Variants in ENTPD1 observed in about 807,000 individuals in gnomAD.
ENTPD1 encodes ATP diphosphohydrolase.
ENTPD1 carries 33 observed loss-of-function variants against 57.0 expected under a neutral mutation model. That is an observed-to-expected ratio of 0.58 (90% CI 0.44 to 0.77). The LOEUF (loss-of-function observed/expected upper bound fraction) is 0.77. Ranked by LOEUF, ENTPD1 falls within the 30% of genes least tolerant of loss-of-function variation. The pLI is 0.00. For missense variants in ENTPD1, 501 were observed against 603.4 expected (o/e 0.83, Z 1.78); for synonymous variants, 202 against 218.8 (o/e 0.92, Z 0.68).
chr10:95,756,048 C>G (rs574357094), upstream of ENTPD1: 787 of 1,481,764 alleles, frequency 5.3e-4, 9 homozygotes, highest in South Asian at 0.011. Context: ...TCTGTCCTTT[C>G]TAGTCAATGA....
At chr10:95,781,160 A>G (rs1047808581) in intron 1 of ENTPD1, among the ~76,000 whole-genome samples, 2 of 152,212 alleles carry the variant, frequency 1.3e-5, no homozygotes, top group East Asian at 3.8e-4. Flanking sequence ...AGGCACAGAA[A>G]GACAAACTTC....
chr10:95,819,456 A>C (rs1480475624), intron 1 of ENTPD1, among the ~76,000 whole-genome samples: 1 of 152,066 alleles, frequency 6.6e-6, no homozygotes, highest in African/African-American at 2.4e-5. Context: ...GAGCCACTGC[A>C]CCCTGCCGAG....
chr10:95,753,968 C>T (rs569367147), upstream of ENTPD1: 1 of 152,076 alleles, frequency 6.6e-6, no homozygotes, highest in African/African-American at 2.4e-5. Flanking sequence ...TGCACTCCAG[C>T]CTGGATGACA....
At chr10:95,709,755 GTTGTTTGT>G (rs10670966), upstream of ENTPD1, among the ~76,000 whole-genome samples, 13 of 151,050 alleles carry the variant, frequency 8.6e-5, no homozygotes, top group Middle Eastern at 3.4e-3. Flanking sequence ...GTTTTTTGTT[GTTGTTTGT>G]TTGTTTGTTT....
intron 1 of ENTPD1, among the ~76,000 whole-genome samples, chr10:95,801,332 GT>G (rs2098248643): frequency 6.6e-6 from 1 of 151,982 alleles, no homozygotes; most frequent in African/African-American, 2.4e-5. Context: ...ATGGTTTTGG[GT>G]TTTACATTTA....
At position 95,874,407 on chromosome 10, in the gene ENTPD1, C is replaced by T. The variant is rs1335155243; in HGVS notation, c.*8024C>T. 1.3e-5 allele frequency among the ~76,000 whole-genome samples: 2 copies of T among 152,194 alleles called. No homozygotes were observed. The highest frequency in any genetic ancestry group is 4.8e-5 in the African/African-American group (2 of 41,452). ...CTCCATGTCTCACATTCAGGTCATG[C>T]TGATGCAAGAGATAGGTTCCCATGG... On this transcript the variant is annotated 3_prime_UTR_variant, in exon 10 of 10. Transcript: ENST00000371205.
chr10:95,722,913 C>T lies in ENTPD1; in HGVS notation c.37+10920C>T, dbSNP rs1486423535. Reference sequence around the variant, plus strand: ...TTTGAGTTAGTAAGCTACCATTTTGCTTTTTTGACTTAGGATAATTCTGAA... The same window carrying T: ...TTTGAGTTAGTAAGCTACCATTTTGTTTTTTTGACTTAGGATAATTCTGAA... On this transcript the variant is annotated intron_variant, in intron 1 of 9. Transcript: ENST00000453258. 2.6e-5 allele frequency among the ~76,000 whole-genome samples: 4 copies of T among 152,198 alleles called. No individual in the cohort carries two copies. The East Asian group carries it at 7.7e-4, about 29-fold the overall frequency.
chr10:95,804,921 C>A lies in ENTPD1; in HGVS notation c.17-18316C>A, dbSNP rs180862203. ...TGAATTTTGTCAAAGGCTTTTTCTG[C>A]ATCTATTGAGATAATCGTGTGGTTT... is the stretch of plus-strand genomic sequence containing the variant. On this transcript the variant is annotated intron_variant, in intron 1 of 9. Coordinates refer to ENST00000371205, the MANE Select transcript of ENTPD1 (RefSeq NM_001776.6). Among the ~76,000 whole-genome samples, 529 of 152,310 alleles carry A rather than the reference C, an allele frequency of 3.5e-3. 6 individuals carry two copies. Among genetic ancestry groups the A allele is most frequent in the African/African-American group, 0.012 (490 of 41,578 alleles).
chr10:95,799,758 T>C (rs997803255), intron 1 of ENTPD1, among the ~76,000 whole-genome samples: 6 of 152,182 alleles, frequency 3.9e-5, no homozygotes, highest in Admixed American at 1.3e-4. Flanking sequence ...CCACCAATTG[T>C]GTATAAGCGT....
At chr10:95,812,333 A>G (rs1222605179) in intron 1 of ENTPD1, among the ~76,000 whole-genome samples, 1 of 152,258 alleles carries the variant, frequency 6.6e-6, no homozygotes, top group Non-Finnish European at 1.5e-5. Flanking sequence ...ATGAAAGCAC[A>G]AAGTAAATAG....
chr10:95,765,271 G>GT (rs1433290638), intron 1 of ENTPD1, among the ~76,000 whole-genome samples: 6 of 152,090 alleles, frequency 3.9e-5, no homozygotes, highest in African/African-American at 1.4e-4. Flanking sequence ...CTAATCCAAA[G>GT]TCATGAAGAT....
chr10:95,761,396 C>T (rs992845810), intron 1 of ENTPD1, among the ~76,000 whole-genome samples: 1 of 152,138 alleles, frequency 6.6e-6, no homozygotes, highest in Non-Finnish European at 1.5e-5. Context: ...CTAACAAGTT[C>T]CCAGGCGATG....
At chr10:95,756,770 C>T (rs1290155246) in intron 1 of ENTPD1, 1 of 151,460 alleles carries the variant, frequency 6.6e-6, no homozygotes, top group Non-Finnish European at 1.5e-5. Flanking sequence ...CACAACAGGA[C>T]CCCAGAGTAT....
chr10:95,863,359 T>C (rs560032831), intron 8 of ENTPD1, among the ~76,000 whole-genome samples: 44 of 152,288 alleles, frequency 2.9e-4, no homozygotes, highest in Non-Finnish European at 5.9e-5. Flanking sequence ...CATCCTTCAA[T>C]TGACAGGCCC....
Position 95,874,122 on chromosome 10 carries a change from CA to C in ENTPD1, c.*7742del, listed in dbSNP as rs1324917749. On this transcript the variant is annotated 3_prime_UTR_variant, in exon 10 of 10. Transcript: ENST00000371205. Reference sequence around the variant, plus strand: ...CAATCATTCCTTCCCAACAGTTCCCCAAAGTCTTAACTCATTTCAGCATTAA... The same window carrying C: ...CAATCATTCCTTCCCAACAGTTCCCCAAGTCTTAACTCATTTCAGCATTAA... Among the ~76,000 whole-genome samples the C allele has an allele frequency of 2.6e-5, 4 of 152,264 alleles. No individual in the cohort carries two copies. The highest frequency in any genetic ancestry group is 7.2e-5 in the African/African-American group (3 of 41,536).
chr10:95,801,433 CAGCACCATTTATTG>C (rs1472409807), intron 1 of ENTPD1, among the ~76,000 whole-genome samples: 6 of 152,140 alleles, frequency 3.9e-5, no homozygotes. Flanking sequence ...CCAGTTATCC[CAGCACCATTTATTG>C]AATAGGGAAT....
At chr10:95,706,769 G>C in the ENTPD1 span, among the ~76,000 whole-genome samples, 693 of 152,286 alleles carry the variant, frequency 4.6e-3, 3 homozygotes, top group Middle Eastern at 0.02. Context: ...TCCCCACTCT[G>C]GTGTGTGGGA....
chr10:95,819,634 A>G (rs1468109835), intron 1 of ENTPD1, among the ~76,000 whole-genome samples: 2 of 152,072 alleles, frequency 1.3e-5, no homozygotes, highest in Non-Finnish European at 2.9e-5. Flanking sequence ...TGTTTTTTCA[A>G]AGCTTGGGTT....
At chr10:95,762,742 T>C (rs1208055997) in intron 1 of ENTPD1, among the ~76,000 whole-genome samples, 1 of 152,246 alleles carries the variant, frequency 6.6e-6, no homozygotes, top group African/African-American at 2.4e-5. Context: ...AACTTGTTAA[T>C]GTTTTTTAAA....
Sources: gnomAD v4.1 joint callset for allele counts (sites outside exome capture counted in the v4.1 genomes callset) on GRCh38, gnomAD v4.1.1 for gene constraint, MANE v1.5 for transcripts, NCBI Gene and HGNC (gene_info 2026-07-23, HGNC 2026-07-21) for gene names.